Variants in EYS observed in about 807,000 individuals in gnomAD.
The protein encoded by EYS is EGF-like photoreceptor maintenance factor.
A neutral mutation model predicts 282.1 loss-of-function variants in EYS; 250 were observed. That is an observed-to-expected ratio of 0.89 (90% CI 0.80 to 0.98). The LOEUF is 0.98. EYS is among the 50% of genes least tolerant of loss of function. The probability of loss-of-function intolerance (pLI) is 0.00; values close to 1 mark genes in which losing one functional copy is unlikely to be tolerated. For synonymous variants in EYS, 1,355 were observed against 1,282.9 expected, an observed-to-expected ratio of 1.06 and a Z score of -1.20; for missense variants, 4,016 against 3,709.0, an observed-to-expected ratio of 1.08 and a Z score of -2.15.
chr6:64,305,318 A>G (rs1769398307), intron 30 of EYS, among the ~76,000 whole-genome samples: 1 of 151,180 alleles, frequency 6.6e-6, no homozygotes, highest in African/African-American at 2.4e-5. Context: ...AAAGTGATAT[A>G]CAGATTTGGT....
intron 1 of EYS, among the ~76,000 whole-genome samples, chr6:65,661,157 T>C (rs1767989425): frequency 2.0e-5 from 3 of 151,926 alleles, no homozygotes; most frequent in African/African-American, 4.8e-5. Flanking sequence ...ACCAAAGGAA[T>C]GTTTAGATCC....
chr6:63,794,827 G>C (rs892756213), intron 37 of EYS, among the ~76,000 whole-genome samples: 4 of 152,164 alleles, frequency 2.6e-5, no homozygotes, highest in Admixed American at 6.5e-5. Flanking sequence ...AAGCTCATTT[G>C]GTATGCAGAA....
At chr6:64,138,894 C>T (rs1263915130) in intron 31 of EYS, among the ~76,000 whole-genome samples, 1 of 152,142 alleles carries the variant, frequency 6.6e-6, no homozygotes, top group Non-Finnish European at 1.5e-5. Context: ...CCTAGTGTTC[C>T]ATTATTGGAA....
intron 31 of EYS, among the ~76,000 whole-genome samples, chr6:64,195,329 G>A (rs1012893570): frequency 6.6e-6 from 1 of 152,120 alleles, no homozygotes; most frequent in African/African-American, 2.4e-5. Flanking sequence ...ATGTATTTGA[G>A]GTATATACTG....
chr6:65,279,349 A>T (rs893449820), intron 12 of EYS, among the ~76,000 whole-genome samples: 4 of 152,078 alleles, frequency 2.6e-5, no homozygotes, highest in African/African-American at 9.7e-5. Context: ...TCATTTCCTT[A>T]GAGTTCTCCC....
chr6:65,625,024 C>T (rs985444075), intron 2 of EYS, among the ~76,000 whole-genome samples: 1 of 151,994 alleles, frequency 6.6e-6, no homozygotes, highest in Non-Finnish European at 1.5e-5. Flanking sequence ...AATACAGATG[C>T]TCTGGAAAAG....
intron 11 of EYS, chr6:65,332,159 G>A (rs1048606223): frequency 2.1e-6 from 1 of 479,662 alleles, no homozygotes; most frequent in South Asian, 3.6e-5. Flanking sequence ...TCAGATTGTG[G>A]AAGTTCCCTT....
intron 15 of EYS, among the ~76,000 whole-genome samples, chr6:64,917,866 A>G (rs1374776281): frequency 3.3e-5 from 5 of 152,154 alleles, no homozygotes; most frequent in Non-Finnish European, 7.4e-5. Flanking sequence ...ATCATTACAT[A>G]TTTGAAACAC....
rs995784099 is a variant in EYS, at chr6:63,934,753, A to G, written c.7055+49630T>C. On this transcript the variant is annotated intron_variant, in intron 35 of 42. Coordinates refer to ENST00000503581, the MANE Select transcript of EYS (RefSeq NM_001142800.2). ...ATCACACACCAGGGCCTGTTGTGGC[A>G]GAGGGGGAGGGGGGAGGGTTAGCAT... 9.5e-4 allele frequency among the ~76,000 whole-genome samples: 107 copies of G among 112,390 alleles called. 1 individual carries two copies. Among genetic ancestry groups the G allele is most frequent in the African/African-American group, 3.5e-3 (103 of 29,072 alleles). 73.7% of individuals were successfully genotyped at this position (112,390 alleles called of 152,430 possible).
chr6:64,688,244 A>G (rs1478335668), intron 22 of EYS, among the ~76,000 whole-genome samples: 1 of 149,436 alleles, frequency 6.7e-6, no homozygotes, highest in African/African-American at 2.5e-5. Context: ...CTTTGATCTT[A>G]GTTATTTCTT....
chr6:64,972,923 C>G (rs192490742), intron 14 of EYS, among the ~76,000 whole-genome samples: 1 of 152,010 alleles, frequency 6.6e-6, no homozygotes, highest in Non-Finnish European at 1.5e-5. Context: ...CAATTCACCT[C>G]TAATGTATAT....
rs1410563806 is a variant in EYS, at chr6:63,962,914, G to T, written c.7055+21469C>A. Among the ~76,000 whole-genome samples the T allele has an allele frequency of 2.6e-5, 4 of 152,208 alleles. No homozygotes were observed. The East Asian group carries it at 7.7e-4, about 29-fold the overall frequency. On this transcript the variant is annotated intron_variant, in intron 35 of 42. Transcript: ENST00000503581. ...GAAAATGTGGCACATATACACCATGGAATACTTTGCAGCCATAAAAAAGAA... is the reference window on the plus strand; with the variant it reads ...GAAAATGTGGCACATATACACCATGTAATACTTTGCAGCCATAAAAAAGAA...
chr6:65,034,080 T>C (rs1772691732), intron 13 of EYS, among the ~76,000 whole-genome samples: 1 of 152,214 alleles, frequency 6.6e-6, no homozygotes, highest in African/African-American at 2.4e-5. Flanking sequence ...ACTTCCCTGC[T>C]GGGTTTTGAA....
rs940596113 is a variant in EYS, at chr6:65,171,465, T to C, written c.2024-113738A>G. Among the ~76,000 whole-genome samples the C allele has an allele frequency of 2.6e-5, 4 of 151,554 alleles. No homozygotes were observed. The Admixed American group carries it at 2.6e-4, about 10-fold the overall frequency. ...TTATGTCACAAAGTCCAGTATGCTA[T>C]TCATACTTATGAAGTTAAACAGAAA... On this transcript the variant is annotated intron_variant, in intron 12 of 42. Coordinates refer to ENST00000503581, the MANE Select transcript of EYS (RefSeq NM_001142800.2).
At chr6:64,646,545 T>C (rs1768357808) in intron 22 of EYS, among the ~76,000 whole-genome samples, 1 of 152,182 alleles carries the variant, frequency 6.6e-6, no homozygotes, top group Non-Finnish European at 1.5e-5. Context: ...GACTCACTCC[T>C]GTAATCCCAG....
At chr6:64,989,761 TATAA>T (rs1394548805) in intron 14 of EYS, among the ~76,000 whole-genome samples, 1 of 143,368 alleles carries the variant, frequency 7.0e-6, no homozygotes, top group African/African-American at 2.5e-5. Context: ...ATATATTTCT[TATAA>T]ATATAAAAAT....
At chr6:64,731,361 T>A (rs1771958519) in intron 22 of EYS, among the ~76,000 whole-genome samples, 1 of 151,808 alleles carries the variant, frequency 6.6e-6, no homozygotes, top group Non-Finnish European at 1.5e-5. Context: ...AACAAAAAAC[T>A]ATCATTACAG....
At chr6:65,257,841 G>T (rs1767511180) in intron 12 of EYS, among the ~76,000 whole-genome samples, 1 of 151,904 alleles carries the variant, frequency 6.6e-6, no homozygotes, top group Non-Finnish European at 1.5e-5. Context: ...GGTTACTAGA[G>T]GCTGGAAAGG....
chr6:65,152,849 T>C (rs912579717), intron 12 of EYS, among the ~76,000 whole-genome samples: 1 of 151,560 alleles, frequency 6.6e-6, no homozygotes, highest in Non-Finnish European at 1.5e-5. Context: ...ATAAATATTT[T>C]CATGGCTTTA....
Sources: gnomAD v4.1 joint callset for allele counts (sites outside exome capture counted in the v4.1 genomes callset) on GRCh38, gnomAD v4.1.1 for gene constraint, MANE v1.5 for transcripts, NCBI Gene and HGNC (gene_info 2026-07-23, HGNC 2026-07-21) for gene names.